The following ATP10A variants were observed in gnomAD, a reference collection of about 807,000 sequenced individuals.
ATP10A encodes ATPase phospholipid transporting 10A (putative).
A neutral mutation model predicts 147.8 loss-of-function variants in ATP10A; 111 were observed. That is an observed-to-expected ratio of 0.75 (90% confidence interval 0.64 to 0.88). The LOEUF is 0.88. Among genes scored for constraint, ATP10A ranks in the 40% least tolerant of loss-of-function variants. The probability of loss-of-function intolerance (pLI) is 0.00; values close to 1 mark genes in which losing one functional copy is unlikely to be tolerated. For synonymous variants in ATP10A, 875 were observed against 841.6 expected, an observed-to-expected ratio of 1.04 and a Z score of -0.69; for missense variants, 1,927 against 1,959.0, an observed-to-expected ratio of 0.98 and a Z score of 0.31.
At chr15:25,746,980 G>T (rs1280480274) in intron 2 of ATP10A, among the ~76,000 whole-genome samples, 1 of 152,094 alleles carries the variant, frequency 6.6e-6, no homozygotes, top group East Asian at 1.9e-4. Flanking sequence ...AAAACTTCTT[G>T]TCTTAAGTAT....
At chr15:25,859,779 C>G (rs1172592964) in intron 1 of ATP10A, among the ~76,000 whole-genome samples, 2 of 152,112 alleles carry the variant, frequency 1.3e-5, no homozygotes, top group African/African-American at 4.8e-5. Context: ...GATGGTGTCA[C>G]TGAAAAACAG....
intron 2 of ATP10A, among the ~76,000 whole-genome samples, chr15:25,762,897 G>T (rs1485708624): frequency 6.6e-6 from 1 of 152,112 alleles, no homozygotes; most frequent in Non-Finnish European, 1.5e-5. Flanking sequence ...AATATGTGTG[G>T]TTTATTTTAT....
chr15:25,683,406 G>A lies in ATP10A; in HGVS notation c.3372C>T (p.Ile1124=). The A allele has an allele frequency of 6.2e-7, 1 of 1,614,068 alleles. No individual in the cohort carries two copies. Among genetic ancestry groups the A allele is most frequent in the Non-Finnish European group, 8.5e-7 (1 of 1,180,014 alleles). Reference sequence around the variant, plus strand: ...GTGACGAGAAGAGCAGATTAAAGAAGATTAGATACCACTGGTCAATCATGG... The same window carrying A: ...GTGACGAGAAGAGCAGATTAAAGAAAATTAGATACCACTGGTCAATCATGG... ...ASTMIDQWYL[I]FFNLLFSSLP... Residue 1124 remains isoleucine (I), a synonymous_variant, in exon 17 of 21, where the codon ATC becomes ATT. Transcript: ENST00000555815.
At chr15:25,801,274 C>T (rs1338752047) in intron 1 of ATP10A, among the ~76,000 whole-genome samples, 3 of 152,236 alleles carry the variant, frequency 2.0e-5, no homozygotes, top group East Asian at 1.9e-4. Flanking sequence ...TTCCACTGCA[C>T]TTGGGTTCGG....
chr15:25,757,213 T>C (rs1888460687), intron 2 of ATP10A, among the ~76,000 whole-genome samples: 1 of 152,152 alleles, frequency 6.6e-6, no homozygotes, highest in Admixed American at 6.5e-5. Context: ...GCTAAATATA[T>C]TTGGGTCTGT....
chr15:25,710,084 G>A (rs905955726), intron 10 of ATP10A: 3 of 152,270 alleles, frequency 2.0e-5, no homozygotes, highest in African/African-American at 7.2e-5. Flanking sequence ...GGCTGATTTC[G>A]AGCTGAAGGC....
At chr15:25,828,115 G>A (rs949238199) in intron 1 of ATP10A, among the ~76,000 whole-genome samples, 1 of 152,088 alleles carries the variant, frequency 6.6e-6, no homozygotes, top group African/African-American at 2.4e-5. Context: ...ACAATTATAA[G>A]CAAAAATGAA....
At chr15:25,831,875 T>TG (rs775666532) in intron 1 of ATP10A, among the ~76,000 whole-genome samples, 1 of 152,204 alleles carries the variant, frequency 6.6e-6, no homozygotes, top group Non-Finnish European at 1.5e-5. Context: ...TGCCAGTACG[T>TG]GACTTTGGCG....
chr15:25,681,654 G>A (rs1011095701), intron 17 of ATP10A, among the ~76,000 whole-genome samples: 4 of 152,150 alleles, frequency 2.6e-5, no homozygotes, highest in African/African-American at 9.7e-5. Flanking sequence ...CCAGAGGCCC[G>A]ATGAAAAGCA....
chr15:25,799,741 T>C (rs1224690545), intron 1 of ATP10A, among the ~76,000 whole-genome samples: 1 of 151,938 alleles, frequency 6.6e-6, no homozygotes, highest in Non-Finnish European at 1.5e-5. Context: ...TCAAAATAAA[T>C]AAATAGAAGT....
intron 1 of ATP10A, among the ~76,000 whole-genome samples, chr15:25,801,919 A>G (rs1349932978): frequency 6.6e-5 from 10 of 152,124 alleles, no homozygotes; most frequent in Non-Finnish European, 1.5e-5. Flanking sequence ...CCTGCACCCT[A>G]CAGAAGGCTC....
At chr15:25,712,531 G>GAC (rs199633220) in intron 10 of ATP10A, among the ~76,000 whole-genome samples, 8 of 151,616 alleles carry the variant, frequency 5.3e-5, no homozygotes, top group Non-Finnish European at 8.8e-5. Context: ...TGTGGAATAA[G>GAC]AGAGATTTTT....
Position 25,694,928 on chromosome 15 carries a change from G to C in ATP10A, c.2979C>G (p.Phe993Leu), listed in dbSNP as rs1316679709. 6.2e-7 allele frequency: 1 copy of C among 1,614,084 alleles called. No individual in the cohort carries two copies. Among genetic ancestry groups the C allele is most frequent in the African/African-American group, 1.3e-5 (1 of 74,934 alleles). Residue 993 changes from phenylalanine (F) to leucine (L), a missense_variant, in exon 14 of 21, where the codon TTC (phenylalanine) becomes TTG (leucine). By Grantham distance (22) the Phe-to-Leu change is conservative. Transcript: ENST00000555815. ...GGACGGAGCGGCACTGCTTGGCAAG[G>C]AAGAGGAATTTGTCCTCCAGGTTTT... ...LEKNLEDKFL[F>L]LAKQCRSVLC...
At chr15:25,744,101 G>C (rs917628076) in intron 2 of ATP10A, among the ~76,000 whole-genome samples, 1 of 152,218 alleles carries the variant, frequency 6.6e-6, no homozygotes, top group East Asian at 1.9e-4. Flanking sequence ...CGGCATCACA[G>C]AGGTGAACTG....
intron 9 of ATP10A, among the ~76,000 whole-genome samples, chr15:25,716,409 C>T (rs57505165): frequency 0.084 from 12,794 of 152,260 alleles, 636 homozygotes; most frequent in African/African-American, 0.11. Context: ...CCTCCACACA[C>T]CCACCTGCCT....
intron 1 of ATP10A, among the ~76,000 whole-genome samples, chr15:25,791,573 G>A (rs1890428426): frequency 2.0e-5 from 3 of 151,914 alleles, no homozygotes; most frequent in Admixed American, 2.0e-4. Flanking sequence ...TGGTTGTAGA[G>A]ACGGAGTCTT....
intron 5 of ATP10A, 52 bp downstream of exon 5, chr15:25,725,899 C>A: frequency 6.4e-7 from 1 of 1,554,104 alleles, no homozygotes; most frequent in East Asian, 2.3e-5. Context: ...ATTACGGGCA[C>A]GAGCCACTGC....
intron 1 of ATP10A, among the ~76,000 whole-genome samples, chr15:25,848,978 G>A (rs1017239484): frequency 6.6e-6 from 1 of 152,048 alleles, no homozygotes; most frequent in Non-Finnish European, 1.5e-5. Flanking sequence ...GAAGGAGCTC[G>A]CCACACCTAC....
At chr15:25,694,299 T>C (rs531597814) in intron 14 of ATP10A, among the ~76,000 whole-genome samples, 1 of 152,356 alleles carries the variant, frequency 6.6e-6, no homozygotes, top group South Asian at 2.1e-4. Flanking sequence ...TATCTGATGA[T>C]GGACTTATTT....
Sources: gnomAD v4.1 joint callset for allele counts (sites outside exome capture counted in the v4.1 genomes callset) on GRCh38, gnomAD v4.1.1 for gene constraint, MANE v1.5 for transcripts, NCBI Gene and HGNC (gene_info 2026-07-23, HGNC 2026-07-21) for gene names.